SYNE2: variants seen among roughly 807,000 people sequenced by gnomAD.
The protein encoded by SYNE2 is spectrin repeat containing nuclear envelope protein 2.
Under a neutral mutation model 856.3 loss-of-function variants are expected in SYNE2, and 431 were observed. That is an observed-to-expected ratio of 0.50 (90% CI 0.47 to 0.55). The LOEUF is 0.55. SYNE2 is among the 20% of genes least tolerant of loss of function. The pLI is 0.00. For synonymous variants in SYNE2, 2,923 were observed against 2,872.3 expected (o/e 1.02, Z -0.56); for missense variants, 8,129 against 8,023.2 (o/e 1.01, Z -0.50).
intron 94 of SYNE2, among the ~76,000 whole-genome samples, chr14:64,172,314 C>T (rs938569531): frequency 6.6e-6 from 1 of 152,184 alleles, no homozygotes; most frequent in Non-Finnish European, 1.5e-5. Context: ...CTTGGGGTCT[C>T]TCAGGCAGTT....
At chr14:64,207,993 G>C (rs529460708) in intron 100 of SYNE2, 5 of 456,048 alleles carry the variant, frequency 1.1e-5, no homozygotes, top group Admixed American at 9.4e-5. Context: ...ATTATCTGAT[G>C]ATGACTAAAA....
chr14:64,151,184 C>A (rs918488801), intron 84 of SYNE2, among the ~76,000 whole-genome samples: 4 of 151,778 alleles, frequency 2.6e-5, no homozygotes, highest in Non-Finnish European at 5.9e-5. Flanking sequence ...TCCAGAAGAC[C>A]CCTGACATTC....
At chr14:64,173,133 G>A (rs999268864) in intron 94 of SYNE2, among the ~76,000 whole-genome samples, 1 of 152,188 alleles carries the variant, frequency 6.6e-6, no homozygotes, top group Non-Finnish European at 1.5e-5. Flanking sequence ...GCTTCTGTAG[G>A]AGACGCAGTG....
chr14:63,962,707 A>G (rs1357401249), intron 9 of SYNE2, among the ~76,000 whole-genome samples: 1 of 151,402 alleles, frequency 6.6e-6, no homozygotes, highest in Non-Finnish European at 1.5e-5. Flanking sequence ...TGCCTGGCTA[A>G]TTTTTTGTAT....
intron 1 of SYNE2, among the ~76,000 whole-genome samples, chr14:63,774,281 C>G (rs1887026857): frequency 6.6e-6 from 1 of 152,080 alleles, no homozygotes; most frequent in African/African-American, 2.4e-5. Context: ...GCAGCCTGGC[C>G]AACATGGTGA....
At chr14:63,843,921 G>A (rs1002027999) in intron 1 of SYNE2, among the ~76,000 whole-genome samples, 3 of 152,120 alleles carry the variant, frequency 2.0e-5, no homozygotes, top group African/African-American at 7.2e-5. Context: ...AAAGTACAGA[G>A]CATTCCCATA....
At chr14:64,111,729 C>T (rs978154620) in intron 65 of SYNE2, among the ~76,000 whole-genome samples, 6 of 151,460 alleles carry the variant, frequency 4.0e-5, no homozygotes, top group African/African-American at 7.3e-5. Context: ...ACCTGGGAGG[C>T]GGAGGTTGCA....
intron 66 of SYNE2, among the ~76,000 whole-genome samples, chr14:64,116,379 G>C (rs533599881): frequency 6.6e-6 from 1 of 152,272 alleles, no homozygotes; most frequent in Admixed American, 6.5e-5. Context: ...TGGGAGGTCA[G>C]TTGTCAACAT....
At chr14:64,045,028 G>A (rs1402629351) in intron 45 of SYNE2, among the ~76,000 whole-genome samples, 2 of 152,088 alleles carry the variant, frequency 1.3e-5, no homozygotes, top group African/African-American at 2.4e-5. Context: ...GGAAAGGGTG[G>A]TGAGCCAAGG....
intron 1 of SYNE2, among the ~76,000 whole-genome samples, chr14:63,831,549 C>CTTTTTTTTTTTTTTT (rs1211983068): frequency 1.4e-5 from 1 of 69,548 alleles, no homozygotes; most frequent in South Asian, 7.4e-4. Flanking sequence ...AATGTTCATT[C>CTTTTTTTTTTTTTTT]TTTTTTTTTT....
In SYNE2 at chr14:64,167,574, G is replaced by A. The variant is rs368263970; in HGVS notation, c.16840G>A (p.Glu5614Lys). 1.9e-6 allele frequency: 3 copies of A among 1,614,122 alleles called. No individual in the cohort carries two copies. The highest frequency in any genetic ancestry group is 2.7e-5 in the African/African-American group (2 of 74,948). ...GATCCAACTTTTGGAGAAGATAGAA[G>A]AAGCACTCAAAGTGGATGTGGCTAA... ...KWIQLLEKIE[E>K]ALKVDVANSL... The change falls in exon 92 of 116, where the codon GAA (glutamate) becomes AAA (lysine). Residue 5614 changes from glutamate (E) to lysine (K), a missense_variant. Coordinates refer to ENST00000555002, the MANE Select transcript of SYNE2 (RefSeq NM_182914.3).
intron 8 of SYNE2, among the ~76,000 whole-genome samples, chr14:63,958,128 A>G (rs1248638837): frequency 6.6e-6 from 1 of 152,228 alleles, no homozygotes; most frequent in East Asian, 1.9e-4. Flanking sequence ...AAATTCCCAT[A>G]AACCCTGCAC....
intron 11 of SYNE2, among the ~76,000 whole-genome samples, chr14:63,970,916 G>C: frequency 6.6e-6 from 1 of 151,620 alleles, no homozygotes; most frequent in Non-Finnish European, 1.5e-5. Context: ...ACCTCCCAAA[G>C]TGCTGGTATT....
chr14:63,994,113 T>A, intron 22 of SYNE2, 144 bp downstream of exon 22: 1 of 816,386 alleles, frequency 1.2e-6, no homozygotes, highest in Non-Finnish European at 2.0e-6. Context: ...CCAGGGTTCA[T>A]ACAGAGTTTC....
chr14:63,809,874 A>G (rs2139823068), intron 1 of SYNE2, among the ~76,000 whole-genome samples: 1 of 152,290 alleles, frequency 6.6e-6, no homozygotes, highest in Admixed American at 6.5e-5. Flanking sequence ...ACTAACTTTG[A>G]GGATTCCCAG....
intron 61 of SYNE2, among the ~76,000 whole-genome samples, chr14:64,093,839 T>C (rs566513489): frequency 1.3e-5 from 2 of 152,086 alleles, no homozygotes; most frequent in South Asian, 4.2e-4. Flanking sequence ...GCTTGAAGCA[T>C]TTTGATGTGA....
At chr14:63,908,844 A>G (rs2095439375) in intron 1 of SYNE2, among the ~76,000 whole-genome samples, 1 of 152,184 alleles carries the variant, frequency 6.6e-6, no homozygotes, top group African/African-American at 2.4e-5. Flanking sequence ...CTGGTATAGA[A>G]TCCACAATGC....
intron 2 of SYNE2, among the ~76,000 whole-genome samples, chr14:63,926,497 C>A (rs547844548): frequency 6.6e-6 from 1 of 152,288 alleles, no homozygotes; most frequent in Non-Finnish European, 1.5e-5. Flanking sequence ...GTCTCTCTTA[C>A]AACTACTAAC....
At chr14:64,198,686 G>A (rs140090182) in intron 99 of SYNE2, among the ~76,000 whole-genome samples, 183 of 152,116 alleles carry the variant, frequency 1.2e-3, no homozygotes, top group African/African-American at 4.1e-3. Context: ...GTGAATGTCC[G>A]TCACTGCTTC....
Sources: allele counts gnomAD v4.1 joint callset (sites outside exome capture counted in the v4.1 genomes callset), GRCh38; gene constraint gnomAD v4.1.1; transcripts MANE v1.5; gene names NCBI Gene and HGNC (gene_info 2026-07-23, HGNC 2026-07-21).